Variants in PRDM1 observed in about 807,000 individuals in gnomAD.
PRDM1 encodes the protein PR/SET domain 1.
PRDM1 carries 13 observed loss-of-function variants against 62.8 expected under a neutral mutation model. That is an observed-to-expected ratio of 0.21 (90% CI 0.13 to 0.33). PRDM1 has a LOEUF of 0.33. Among genes scored for constraint, PRDM1 ranks in the 10% least tolerant of loss-of-function variants. The probability of loss-of-function intolerance (pLI) is 1.00; values close to 1 mark genes in which losing one functional copy is unlikely to be tolerated. For synonymous variants in PRDM1, 396 were observed against 417.6 expected (o/e 0.95, Z 0.63); for missense variants, 895 against 1,058.8 (o/e 0.85, Z 2.15).
At position 106,099,413 on chromosome 6, in the gene PRDM1, G is replaced by A. The variant is rs142437241; in HGVS notation, c.525G>A (p.Ala175=). Residue 175 remains alanine, a synonymous_variant, in exon 4 of 7, where the codon GCG becomes GCA. Transcript: ENST00000369096. The stretch of plus-strand genomic sequence containing the variant: ...CTCCCCGGGAGCAAAACCTGGCTGC[G>A]TGTCAGAACGGGATGAACATCTACT... The part of the protein sequence containing the change: ...AHSPREQNLA[A]CQNGMNIYFY... 28 of 1,614,084 alleles carry A rather than the reference G, an allele frequency of 1.7e-5. No homozygotes were observed. The highest frequency in any genetic ancestry group is 2.3e-5 in the Non-Finnish European group (27 of 1,180,044).
intron 1 of PRDM1, among the ~76,000 whole-genome samples, chr6:106,056,377 T>C (rs1644187775): frequency 6.6e-6 from 1 of 151,790 alleles, no homozygotes; most frequent in African/African-American, 2.4e-5. Flanking sequence ...GAATTGGCCA[T>C]TCCTAGAATG....
intron 1 of PRDM1, among the ~76,000 whole-genome samples, chr6:106,066,075 C>T (rs889527128): frequency 1.3e-5 from 2 of 152,150 alleles, no homozygotes; most frequent in Admixed American, 6.5e-5. Flanking sequence ...GGTTGGGAGG[C>T]CCTTGGAGAA....
intron 1 of PRDM1, among the ~76,000 whole-genome samples, chr6:106,027,359 A>G (rs543009106): frequency 3.3e-5 from 5 of 152,334 alleles, no homozygotes; most frequent in East Asian, 3.9e-4. Flanking sequence ...AGAAGGGGGG[A>G]AAAACTTCAC....
chr6:106,058,468 A>G (rs1427314276), intron 1 of PRDM1, among the ~76,000 whole-genome samples: 1 of 152,154 alleles, frequency 6.6e-6, no homozygotes, highest in Admixed American at 6.5e-5. Context: ...TCAGCATGTG[A>G]ATTTTGGGGG....
rs768176631 is a variant in PRDM1, at chr6:106,106,342, C to T, written c.1774-29C>T. On this transcript the variant is annotated intron_variant, in intron 5 of 6. Coordinates refer to ENST00000369096, the MANE Select transcript of PRDM1 (RefSeq NM_001198.4). The surrounding 1 kb of genome is among the most constrained non-coding windows in gnomAD (Gnocchi z 4.4). Reference sequence around the variant, plus strand: ...TTAGGTCTCAGAGCCAGCTTGAGAGCAGAGCTAACACATGTGGCTTCTTCC... The same window carrying T: ...TTAGGTCTCAGAGCCAGCTTGAGAGTAGAGCTAACACATGTGGCTTCTTCC... The T allele has an allele frequency of 1.2e-6, 2 of 1,611,354 alleles. No individual in the cohort carries two copies. Among genetic ancestry groups the T allele is most frequent in the African/African-American group, 2.7e-5 (2 of 74,974 alleles).
intron 1 of PRDM1, among the ~76,000 whole-genome samples, chr6:106,000,255 G>C: frequency 6.6e-6 from 1 of 152,170 alleles, no homozygotes; most frequent in East Asian, 1.9e-4. Flanking sequence ...ACATTTCAAA[G>C]CTATCTTTAA....
chr6:106,087,993 T>C, intron 1 of PRDM1: 1 of 217,120 alleles, frequency 4.6e-6, no homozygotes, highest in Non-Finnish European at 9.1e-6. Flanking sequence ...TTTTTTTTTT[T>C]TTTTTTTAAC....
At chr6:106,051,951 A>G (rs1309114925) in intron 1 of PRDM1, among the ~76,000 whole-genome samples, 1 of 152,206 alleles carries the variant, frequency 6.6e-6, no homozygotes, top group East Asian at 1.9e-4. Flanking sequence ...AATATTATAT[A>G]AGTCCACTTA....
Position 106,105,513 on chromosome 6 carries a change from C to G in PRDM1, c.1353C>G (p.Leu451=), listed in dbSNP as rs765915166. Residue 451 remains leucine (L), a synonymous_variant, in exon 5 of 7, where the codon CTC becomes CTG. Coordinates refer to ENST00000369096, the MANE Select transcript of PRDM1 (RefSeq NM_001198.4). Reference sequence around the variant, plus strand: ...TGTGCCCTGTCTACAGCAATCTCCTCGGTGGGGGCAGCCTGCCCCACCCCA... The same window carrying G: ...TGTGCCCTGTCTACAGCAATCTCCTGGGTGGGGGCAGCCTGCCCCACCCCA... The part of the protein sequence containing the change: ...PRLCPVYSNL[L]GGGSLPHPML... The G allele has an allele frequency of 1.2e-6, 2 of 1,613,886 alleles. No homozygotes were observed. The highest frequency in any genetic ancestry group is 1.7e-6 in the Non-Finnish European group (2 of 1,179,948).
At chr6:106,075,650 T>C (rs2114604913) in intron 1 of PRDM1, among the ~76,000 whole-genome samples, 1 of 152,364 alleles carries the variant, frequency 6.6e-6, no homozygotes. Context: ...GGATTTCTAG[T>C]TGAAAGAAAA....
chr6:106,095,580 C>T (rs1327098476), intron 2 of PRDM1, 35 bp from the exon 3 acceptor site: 1 of 1,604,098 alleles, frequency 6.2e-7, no homozygotes, highest in Non-Finnish European at 8.5e-7. Flanking sequence ...ATTTTATAGT[C>T]AAAGTAATTG....
chr6:106,090,950 G>A (rs1289659436), intron 2 of PRDM1, among the ~76,000 whole-genome samples: 2 of 149,076 alleles, frequency 1.3e-5, no homozygotes, highest in African/African-American at 2.5e-5. Flanking sequence ...TTTTTAGATT[G>A]GGTTTAGAAT....
chr6:106,015,779 C>A (rs1163968811), intron 1 of PRDM1, among the ~76,000 whole-genome samples: 1 of 151,158 alleles, frequency 6.6e-6, no homozygotes, highest in Non-Finnish European at 1.5e-5. Context: ...TTTTCCTTTT[C>A]TTTCTTTTTT....
At position 106,108,890 on chromosome 6, in the gene PRDM1, A is replaced by C. The variant is rs1416774350; in HGVS notation, c.*1404A>C. ...TGCTTCTCTAGAGGAGAAACCGAGT[A>C]AATGTGCTCCAGCAAGATAGACTTT... On this transcript the variant is annotated 3_prime_UTR_variant, in exon 7 of 7. Transcript: ENST00000369096. The C allele has an allele frequency of 4.3e-6, 1 of 231,520 alleles. No homozygotes were observed. The highest frequency in any genetic ancestry group is 8.6e-6 in the Non-Finnish European group (1 of 116,834). The allele number at this position is 231,520 out of a possible 1,614,324, so 14.3% of individuals were successfully genotyped here.
chr6:106,001,504 C>A (rs947199601), intron 1 of PRDM1, among the ~76,000 whole-genome samples: 8 of 152,120 alleles, frequency 5.3e-5, no homozygotes, highest in African/African-American at 1.7e-4. Flanking sequence ...CTTTAACTTA[C>A]CTAAAATGTA....
intron 3 of PRDM1, chr6:106,098,368 C>T: frequency 1.0e-6 from 1 of 985,338 alleles, no homozygotes; most frequent in Non-Finnish European, 1.2e-6. Context: ...TCTTCCTCTG[C>T]CTCTTTGCCA....
chr6:106,037,217 A>G (rs1207175521), intron 1 of PRDM1, among the ~76,000 whole-genome samples: 2 of 152,158 alleles, frequency 1.3e-5, no homozygotes, highest in Non-Finnish European at 2.9e-5. Context: ...CATTGAATAT[A>G]CTAGCTCACT....
At chr6:106,075,552 G>A (rs184203429) in intron 1 of PRDM1, among the ~76,000 whole-genome samples, 1 of 152,122 alleles carries the variant, frequency 6.6e-6, no homozygotes, top group East Asian at 1.9e-4. Context: ...CTCTTCCCTG[G>A]CCCTCAGGGG....
chr6:106,099,872 G>A (rs2114640071), intron 4 of PRDM1, among the ~76,000 whole-genome samples: 1 of 152,330 alleles, frequency 6.6e-6, no homozygotes, highest in South Asian at 2.1e-4. Flanking sequence ...CAGACATGCT[G>A]CGTATGCAAG....
Sources: gnomAD v4.1 joint callset for allele counts (sites outside exome capture counted in the v4.1 genomes callset) on GRCh38, gnomAD v4.1.1 for gene constraint, Gnocchi (gnomAD v3.1) non-coding constraint, MANE v1.5 for transcripts, NCBI Gene and HGNC (gene_info 2026-07-23, HGNC 2026-07-21) for gene names.